The following SNX6 variants were observed in gnomAD, a reference collection of about 807,000 sequenced individuals.
The protein encoded by SNX6 is sorting nexin 6, also known as sorting nexin-6.
SNX6 carries 34 observed loss-of-function variants against 63.0 expected under a neutral mutation model. The ratio of observed to expected loss-of-function variants is 0.54; its 90% CI spans 0.41 to 0.72. SNX6 has a LOEUF of 0.72. Among genes scored for constraint, SNX6 ranks in the 30% least tolerant of loss-of-function variants. SNX6 has a pLI of 0.00. For missense variants in SNX6, 398 were observed against 471.4 expected (o/e 0.84, Z 1.44); for synonymous variants, 170 against 164.2 (o/e 1.04, Z -0.27).
At chr14:34,610,352 CAAAAAAA>C (rs35289170) in intron 2 of SNX6, among the ~76,000 whole-genome samples, 2 of 77,694 alleles carry the variant, frequency 2.6e-5, no homozygotes, top group South Asian at 5.2e-4. Flanking sequence ...AAAACCGTCT[CAAAAAAA>C]AAAAAAAAAA....
In SNX6 at chr14:34,563,150, C is replaced by A. The variant is rs1206646057; in HGVS notation, c.1193G>T (p.Cys398Phe). ...AKGNLQLLQN[C>F]LAVLNGDT ...TGTGTCTCCATTTAACACTGCCAGGCAGTTCTGCAGCAACTGTAGATTACC... is the reference window on the plus strand; with the variant it reads ...TGTGTCTCCATTTAACACTGCCAGGAAGTTCTGCAGCAACTGTAGATTACC... Residue 398 changes from cysteine (C) to phenylalanine (F), a missense_variant, in exon 14 of 14, where the codon TGC (cysteine) becomes TTC (phenylalanine). Cys to Phe is a radical substitution (Grantham distance 205). Transcript: ENST00000362031. The A allele has an allele frequency of 6.2e-7, 1 of 1,613,996 alleles. No individual in the cohort carries two copies. Among genetic ancestry groups the A allele is most frequent in the Non-Finnish European group, 8.5e-7 (1 of 1,179,978 alleles).
At chr14:34,627,638 C>T (rs541007343) in intron 2 of SNX6, among the ~76,000 whole-genome samples, 3 of 151,996 alleles carry the variant, frequency 2.0e-5, no homozygotes, top group Non-Finnish European at 4.4e-5. Flanking sequence ...TACAGGCATG[C>T]GCCACCATGC....
chr14:34,587,087 T>A (rs553219505), intron 8 of SNX6, among the ~76,000 whole-genome samples: 1 of 149,106 alleles, frequency 6.7e-6, no homozygotes, highest in Admixed American at 6.7e-5. Context: ...GACATGATCA[T>A]CTATGTAAAA....
chr14:34,596,590 G>A (rs1446421091), intron 7 of SNX6, among the ~76,000 whole-genome samples: 6 of 146,330 alleles, frequency 4.1e-5, no homozygotes, highest in Admixed American at 7.0e-5. Flanking sequence ...CTGCACTCCA[G>A]CCTGGGCAAC....
At chr14:34,564,939 T>C (rs962444777) in intron 13 of SNX6, among the ~76,000 whole-genome samples, 4 of 152,148 alleles carry the variant, frequency 2.6e-5, no homozygotes, top group African/African-American at 9.6e-5. Flanking sequence ...TTTTAGGCTG[T>C]TTCAACAACT....
intron 10 of SNX6, among the ~76,000 whole-genome samples, chr14:34,578,330 T>C (rs1379297858): frequency 6.6e-6 from 1 of 151,956 alleles, no homozygotes; most frequent in Non-Finnish European, 1.5e-5. Flanking sequence ...ACCGCCAAAA[T>C]AAAAAATTAA....
At chr14:34,599,076 C>A (rs1459128958) in intron 6 of SNX6, among the ~76,000 whole-genome samples, 1 of 152,214 alleles carries the variant, frequency 6.6e-6, no homozygotes, top group Non-Finnish European at 1.5e-5. Context: ...GACACGCAAT[C>A]TGCTAGCACC....
At chr14:34,628,756 T>G (rs1883924246) in intron 2 of SNX6, among the ~76,000 whole-genome samples, 4 of 152,208 alleles carry the variant, frequency 2.6e-5, no homozygotes, top group Admixed American at 2.6e-4. Context: ...CACTAACAGA[T>G]GTCTCTCTCA....
chr14:34,605,825 T>C (rs1280394266), intron 4 of SNX6, 108 bp from the exon 5 acceptor site: 3 of 1,329,222 alleles, frequency 2.3e-6, no homozygotes, highest in Non-Finnish European at 3.0e-6. Context: ...GGATCCAGAA[T>C]GAGCTGAACA....
intron 11 of SNX6, among the ~76,000 whole-genome samples, chr14:34,572,766 C>T (rs901366765): frequency 1.3e-4 from 19 of 151,962 alleles, no homozygotes; most frequent in Middle Eastern, 3.4e-3. Context: ...CTGCAAGCTC[C>T]GCCTCCTGGG....
chr14:34,628,916 C>A (rs924376258), intron 2 of SNX6, among the ~76,000 whole-genome samples: 1 of 152,020 alleles, frequency 6.6e-6, no homozygotes, highest in Non-Finnish European at 1.5e-5. Flanking sequence ...GATTACCACC[C>A]TTCAGCCAAG....
intron 13 of SNX6, among the ~76,000 whole-genome samples, chr14:34,564,724 G>A (rs1475474473): frequency 6.6e-6 from 1 of 151,710 alleles, no homozygotes. Flanking sequence ...CTATTCGAGA[G>A]GCTGAGGCAG....
intron 11 of SNX6, among the ~76,000 whole-genome samples, chr14:34,572,978 G>C (rs1052754550): frequency 6.6e-6 from 1 of 151,762 alleles, no homozygotes; most frequent in Non-Finnish European, 1.5e-5. Flanking sequence ...CACCGCACCT[G>C]GCCTCGTGTT....
intron 2 of SNX6, among the ~76,000 whole-genome samples, chr14:34,619,085 T>C (rs1057216523): frequency 2.6e-5 from 4 of 152,090 alleles, no homozygotes; most frequent in African/African-American, 9.7e-5. Flanking sequence ...CAAAACTATT[T>C]TCAGGTAATT....
chr14:34,594,057 G>C (rs1019134485), intron 7 of SNX6, among the ~76,000 whole-genome samples: 1 of 152,110 alleles, frequency 6.6e-6, no homozygotes, highest in Non-Finnish European at 1.5e-5. Context: ...GTTCTTATTT[G>C]TGATCTGCCT....
chr14:34,591,229 T>TC (rs1882378534), intron 8 of SNX6, among the ~76,000 whole-genome samples: 1 of 44,864 alleles, frequency 2.2e-5, no homozygotes, highest in Non-Finnish European at 6.6e-5. Context: ...AACAAAGCTG[T>TC]TAAAAAAAAA....
chr14:34,589,326 G>C (rs1265837572), intron 8 of SNX6, among the ~76,000 whole-genome samples: 1 of 151,812 alleles, frequency 6.6e-6, no homozygotes, highest in Admixed American at 6.6e-5. Flanking sequence ...TTGGTGGTAT[G>C]TGCCTGTAAT....
rs45457996 is a variant in SNX6 at position 34,562,897 on chromosome 14, G to A, written c.*225C>T. The A allele has an allele frequency of 5.2e-5, 28 of 542,958 alleles. No individual in the cohort carries two copies. Among genetic ancestry groups the A allele is most frequent in the Non-Finnish European group, 8.6e-5 (26 of 302,984 alleles). 33.6% of individuals were successfully genotyped at this position (542,958 alleles called of 1,614,324 possible). On this transcript the variant is annotated 3_prime_UTR_variant, in exon 14 of 14. Transcript: ENST00000362031. ...GGACTTCTGAGTATGACGAGTGCAC[G>A]ATGATGGACCACTGTCATGGGGAAC...
intron 8 of SNX6, among the ~76,000 whole-genome samples, chr14:34,588,003 GTTTCTTTTTTTTT>G (rs1882245289): frequency 6.8e-6 from 1 of 148,062 alleles, no homozygotes; most frequent in South Asian, 2.2e-4. Context: ...TAGAGATGGG[GTTTCTTTTTTTTT>G]TTTCTTTTTG....
Sources: allele counts gnomAD v4.1 joint callset (sites outside exome capture counted in the v4.1 genomes callset), GRCh38; gene constraint gnomAD v4.1.1; transcripts MANE v1.5; gene names NCBI Gene and HGNC (gene_info 2026-07-23, HGNC 2026-07-21).